Variants in IQSEC1 observed in about 807,000 individuals in gnomAD.
IQSEC1 encodes IQ motif and Sec7 domain ArfGEF 1.
Under a neutral mutation model 91.0 loss-of-function variants are expected in IQSEC1, and 31 were observed. The ratio of observed to expected loss-of-function variants is 0.34; its 90% confidence interval spans 0.26 to 0.46. IQSEC1 has a LOEUF of 0.46. IQSEC1 is among the 20% of genes least tolerant of loss of function. The pLI, the probability that IQSEC1 is intolerant of heterozygous loss-of-function variation, is 1.00. For synonymous variants in IQSEC1, 699 were observed against 662.6 expected (o/e 1.05, Z -0.84); for missense variants, 1,388 against 1,575.6 (o/e 0.88, Z 2.02).
At position 13,052,821 on chromosome 3, in the gene IQSEC1, G is replaced by A. The variant is rs367938855; in HGVS notation, c.23+20171C>T. 83 of 598,040 alleles carry A rather than the reference G, an allele frequency of 1.4e-4. 1 individual carries two copies. Among genetic ancestry groups the A allele is most frequent in the Non-Finnish European group, 1.9e-4 (65 of 334,380 alleles). 37.0% of individuals were successfully genotyped at this position (598,040 alleles called of 1,614,324 possible). A position where few individuals can be genotyped will look rare whatever the true frequency, so the allele number is the denominator to read the frequency against. On this transcript the variant is annotated intron_variant, in intron 1 of 13. Coordinates refer to ENST00000613206, the MANE Select transcript of IQSEC1 (RefSeq NM_001134382.3). ...ATTACTGAACCCAGCCAACCAACGC[G>A]TTCATAACATATTCAGAGAGAAAAA... is the stretch of plus-strand genomic sequence containing the variant.
chr3:13,184,585 A>G (rs1284560626), intron 1 of IQSEC1, among the ~76,000 whole-genome samples: 2 of 152,174 alleles, frequency 1.3e-5, no homozygotes, highest in African/African-American at 4.8e-5. Flanking sequence ...GTCACCCCAC[A>G]GGTCCTAACA....
chr3:12,913,927 G>A (rs1016691736), intron 8 of IQSEC1, among the ~76,000 whole-genome samples: 2 of 152,180 alleles, frequency 1.3e-5, no homozygotes, highest in Non-Finnish European at 2.9e-5. Flanking sequence ...CACAAGTGCC[G>A]GTCATAAACA....
chr3:12,965,701 A>C (rs528390957), intron 1 of IQSEC1, among the ~76,000 whole-genome samples: 1 of 152,330 alleles, frequency 6.6e-6, no homozygotes, highest in South Asian at 2.1e-4. Context: ...GGGACTTCTA[A>C]TGAGAAGGGA....
At chr3:13,048,147 G>A (rs1704566881) in intron 1 of IQSEC1, among the ~76,000 whole-genome samples, 1 of 152,196 alleles carries the variant, frequency 6.6e-6, no homozygotes, top group African/African-American at 2.4e-5. Flanking sequence ...CTTGGTGCCT[G>A]TCCCCTCACC....
chr3:13,125,194 A>C (rs2124902280), intron 2 of IQSEC1, among the ~76,000 whole-genome samples: 1 of 152,072 alleles, frequency 6.6e-6, no homozygotes, highest in Non-Finnish European at 1.5e-5. Flanking sequence ...TGCCAAGCAA[A>C]CCCCCAGCTA....
chr3:13,028,390 G>T (rs1703711765), intron 1 of IQSEC1, among the ~76,000 whole-genome samples: 1 of 152,226 alleles, frequency 6.6e-6, no homozygotes, highest in African/African-American at 2.4e-5. Context: ...GGCTAGGCCG[G>T]CAGGAAGTAT....
intron 3 of IQSEC1, among the ~76,000 whole-genome samples, chr3:12,927,904 G>T (rs1298476534): frequency 6.6e-6 from 1 of 151,880 alleles, no homozygotes; most frequent in Non-Finnish European, 1.5e-5. Context: ...CTATTCCAGG[G>T]TTGAGCACAG....
chr3:13,207,752 C>T lies in IQSEC1; in HGVS notation c.273-43619G>A, dbSNP rs148824687. Among the ~76,000 whole-genome samples the T allele has an allele frequency of 4.5e-4, 69 of 152,278 alleles. No individual in the cohort carries two copies. The East Asian group carries it at 0.012, about 26-fold the overall frequency. ...CGCCATCGCCAGCTCTCCCGGGAGG[C>T]TCTCTCTCACCATCGCATCTAAACC... On this transcript the variant is annotated intron_variant, in intron 1 of 15. Coordinates refer to the IQSEC1 transcript ENST00000648114. The surrounding 1 kb of genome is among the most constrained non-coding windows in gnomAD (Gnocchi z 4.8).
intron 1 of IQSEC1, among the ~76,000 whole-genome samples, chr3:13,167,626 G>A (rs1693523513): frequency 6.6e-6 from 1 of 152,170 alleles, no homozygotes; most frequent in Non-Finnish European, 1.5e-5. Context: ...CAGACAGCCA[G>A]TGCTCCCCGG....
At chr3:13,125,299 C>T (rs889925799) in intron 2 of IQSEC1, among the ~76,000 whole-genome samples, 3 of 152,232 alleles carry the variant, frequency 2.0e-5, no homozygotes, top group South Asian at 2.1e-4. Flanking sequence ...TTTTAATCAT[C>T]ACCTTCACAG....
chr3:12,939,013 T>C (rs1698499780), intron 2 of IQSEC1, among the ~76,000 whole-genome samples: 1 of 152,132 alleles, frequency 6.6e-6, no homozygotes, highest in Non-Finnish European at 1.5e-5. Context: ...GGTCGAAAAG[T>C]TTCCCGGGAC....
intron 1 of IQSEC1, among the ~76,000 whole-genome samples, chr3:13,240,319 TATA>T (rs1694999536): frequency 6.6e-6 from 1 of 152,146 alleles, no homozygotes; most frequent in African/African-American, 2.4e-5. Context: ...TGCAGTGAGC[TATA>T]ATGACAGCAC....
chr3:13,026,864 G>GCT (rs370534423), intron 1 of IQSEC1, among the ~76,000 whole-genome samples: 1,074 of 90,716 alleles, frequency 0.012, 85 homozygotes, highest in South Asian at 0.019. Context: ...TATCTCCCCA[G>GCT]TTTTTTTTTT....
At chr3:12,913,265 A>G (rs1695740450) in intron 9 of IQSEC1, among the ~76,000 whole-genome samples, 163 bp downstream of exon 9, 1 of 152,222 alleles carries the variant, frequency 6.6e-6, no homozygotes. Context: ...TGCATGAGCC[A>G]ATGAAGTCTG....
chr3:13,131,043 A>AAG (rs751699971), intron 2 of IQSEC1, among the ~76,000 whole-genome samples: 140 of 144,568 alleles, frequency 9.7e-4, no homozygotes, highest in African/African-American at 3.8e-3. Context: ...AAGGAAAGGA[A>AAG]GGAAGGAAGG....
intron 1 of IQSEC1, among the ~76,000 whole-genome samples, chr3:13,190,050 C>T (rs981736587): frequency 1.3e-5 from 2 of 152,222 alleles, no homozygotes; most frequent in African/African-American, 4.8e-5. Context: ...GTACCTGCCA[C>T]AGCTGCCTAA....
intron 9 of IQSEC1, 62 bp downstream of exon 9, chr3:12,913,366 A>G (rs1339825505): frequency 1.3e-6 from 2 of 1,489,370 alleles, no homozygotes; most frequent in Non-Finnish European, 1.8e-6. Context: ...AGACAGCCAG[A>G]CATGGACCCT....
chr3:13,202,843 T>C (rs1460298849), intron 1 of IQSEC1, among the ~76,000 whole-genome samples: 1 of 152,224 alleles, frequency 6.6e-6, no homozygotes, highest in African/African-American at 2.4e-5. Flanking sequence ...CTGTGAGGGC[T>C]GGAAAGAGTC....
At chr3:12,982,982 C>T (rs939658320) in intron 1 of IQSEC1, among the ~76,000 whole-genome samples, 3 of 152,246 alleles carry the variant, frequency 2.0e-5, no homozygotes, top group Admixed American at 1.3e-4. Flanking sequence ...AGGCCCTGGC[C>T]GTGGTAATCA....
Sources: allele counts gnomAD v4.1 joint callset (sites outside exome capture counted in the v4.1 genomes callset), GRCh38; gene constraint gnomAD v4.1.1; non-coding constraint Gnocchi (gnomAD v3.1); transcripts MANE v1.5; gene names NCBI Gene and HGNC (gene_info 2026-07-23, HGNC 2026-07-21).